The following SKP2 variants were observed in gnomAD, a reference collection of about 807,000 sequenced individuals.
SKP2 encodes the protein S-phase kinase associated protein 2.
In SKP2, 16 loss-of-function variants were observed where a neutral mutation model predicts 51.8. The observed-to-expected ratio is 0.31, with a 90% CI of 0.21 to 0.47. The LOEUF (loss-of-function observed/expected upper bound fraction) is 0.47. SKP2 is among the 20% of genes least tolerant of loss of function. The pLI, the probability that SKP2 is intolerant of heterozygous loss-of-function variation, is 1.00. For missense variants in SKP2, 377 were observed against 505.3 expected, an observed-to-expected ratio of 0.75 and a Z score of 2.43; for synonymous variants, 176 against 198.6, an observed-to-expected ratio of 0.89 and a Z score of 0.96.
Position 36,171,726 on chromosome 5 carries a change from G to T in SKP2, c.894G>T (p.Gln298His). 6.2e-7 allele frequency: 1 copy of T among 1,613,870 alleles called. No individual in the cohort carries two copies. Among genetic ancestry groups the T allele is most frequent in the Non-Finnish European group, 8.5e-7 (1 of 1,179,810 alleles). ...TTAGCGGCTACAGAAAGAATCTCCAGAAATCAGGTTAGAGCTTCCAAGCCT... is the reference window on the plus strand; with the variant it reads ...TTAGCGGCTACAGAAAGAATCTCCATAAATCAGGTTAGAGCTTCCAAGCCT... ...LNLSGYRKNL[Q>H]KSDLSTLVRR... The change falls in exon 7 of 10, where the codon CAG becomes CAT. Residue 298 changes from glutamine (Q) to histidine (H), a missense_variant. Physicochemically the swap from Gln to His is conservative, Grantham distance 24. This residue lies in a region of SKP2 where 262 missense variants were observed against 389.8 expected (regional missense o/e 0.67). Transcript: ENST00000274255.
chr5:36,177,391 G>A lies in SKP2; in HGVS notation c.1061+99G>A, dbSNP rs759443508. On this transcript the variant is annotated intron_variant, in intron 9 of 9. Coordinates refer to ENST00000274255, the MANE Select transcript of SKP2 (RefSeq NM_005983.4). ...TTTTTATTAATAGACATATGAAACC[G>A]AAACATTAGTAATAAGTATACCACA... is the stretch of plus-strand genomic sequence containing the variant. The A allele has an allele frequency of 1.2e-4, 92 of 779,554 alleles. 3 individuals carry two copies. The highest frequency in any genetic ancestry group is 3.7e-4 in the South Asian group (27 of 72,696). The allele number at this position is 779,554 out of a possible 1,614,324, so 48.3% of individuals were successfully genotyped here.
downstream of SKP2, among the ~76,000 whole-genome samples, chr5:36,187,239 A>G (rs182678099): frequency 3.0e-3 from 455 of 152,114 alleles, 2 homozygotes; most frequent in African/African-American, 9.0e-3. Context: ...GTCTCCTTCA[A>G]TTCTGCTCTG....
At chr5:36,177,447 C>T in intron 9 of SKP2, 155 bp downstream of exon 9, 1 of 718,062 alleles carries the variant, frequency 1.4e-6, no homozygotes, top group East Asian at 2.6e-5. Context: ...CAGAGTATTG[C>T]TTAAACTGGT....
intron 2 of SKP2, among the ~76,000 whole-genome samples, chr5:36,155,850 GA>G (rs1027924608): frequency 6.6e-6 from 1 of 152,122 alleles, no homozygotes; most frequent in Non-Finnish European, 1.5e-5. Context: ...GGCACTGTGG[GA>G]ACAAGACAGA....
Position 36,182,614 on chromosome 5 carries a change from C to A in SKP2, c.*583C>A. On this transcript the variant is annotated 3_prime_UTR_variant, in exon 10 of 10. Coordinates refer to ENST00000274255, the MANE Select transcript of SKP2 (RefSeq NM_005983.4). ...TAGAAATAAGTAACCCCATGTAATT[C>A]ACCTTAAAACTTAACAAAAGACCAA... 1 of 981,534 alleles carries A rather than the reference C, an allele frequency of 1.0e-6. No homozygotes were observed. The highest frequency in any genetic ancestry group is 1.2e-6 in the Non-Finnish European group (1 of 826,450). 60.8% of individuals were successfully genotyped at this position (981,534 alleles called of 1,614,324 possible).
intron 7 of SKP2, chr5:36,193,214 C>T (rs1200742386): frequency 6.6e-6 from 1 of 152,126 alleles, no homozygotes; most frequent in East Asian, 1.9e-4. Context: ...CATGGTGGCT[C>T]ATGCCTGTAA....
chr5:36,152,796 C>T lies in SKP2; in HGVS notation c.34C>T (p.Leu12=), dbSNP rs3913485. 6.2e-7 allele frequency: 1 copy of T among 1,613,930 alleles called. No individual in the cohort carries two copies. The highest frequency in any genetic ancestry group is 8.5e-7 in the Non-Finnish European group (1 of 1,180,018). The stretch of plus-strand genomic sequence containing the variant: ...GAAGCACCTCCAGGAGATTCCAGAC[C>T]TGAGTAGCAACGTTGCCACCAGCTT... ...HRKHLQEIPD[L]SSNVATSFTW... Residue 12 remains leucine, a synonymous_variant, in exon 2 of 10, where the codon CTG becomes TTG. Coordinates refer to ENST00000274255, the MANE Select transcript of SKP2 (RefSeq NM_005983.4).
chr5:36,179,465 C>G (rs1433635993), intron 9 of SKP2, among the ~76,000 whole-genome samples: 1 of 152,100 alleles, frequency 6.6e-6, no homozygotes, highest in Non-Finnish European at 1.5e-5. Flanking sequence ...TTCCCCAGGA[C>G]CTATTCCCAT....
chr5:36,191,392 C>CT lies in SKP2; in HGVS notation c.633-1212dup, dbSNP rs201765544. ...CTCCAGAGGCTTGTATCATCAAGTT[C>CT]TTTTTTTTTTTTTTTTTAGCCAGGA... On this transcript the variant is annotated intron_variant, in intron 6 of 7. Transcript: ENST00000677886. 3.1e-3 allele frequency among the ~76,000 whole-genome samples: 377 copies of CT among 122,148 alleles called. 1 individual carries two copies. The highest frequency in any genetic ancestry group is 5.5e-3 in the African/African-American group (194 of 35,270). 80.1% of individuals were successfully genotyped at this position (122,148 alleles called of 152,430 possible).
At chr5:36,167,868 T>A (rs1745338805) in intron 4 of SKP2, among the ~76,000 whole-genome samples, 1 of 152,200 alleles carries the variant, frequency 6.6e-6, no homozygotes, top group Non-Finnish European at 1.5e-5. Flanking sequence ...TCCACTGGAC[T>A]CAGCCTTTCA....
intron 3 of SKP2, among the ~76,000 whole-genome samples, chr5:36,166,201 T>TA (rs1205827888): frequency 6.6e-6 from 1 of 152,244 alleles, no homozygotes; most frequent in Non-Finnish European, 1.5e-5. Flanking sequence ...AATCATTTTT[T>TA]AAATTTGTCA....
chr5:36,170,778 A>G (rs1745446193), intron 6 of SKP2, among the ~76,000 whole-genome samples: 1 of 152,164 alleles, frequency 6.6e-6, no homozygotes. Context: ...GTATCTGTAG[A>G]CCTAACTTAC....
intron 2 of SKP2, among the ~76,000 whole-genome samples, chr5:36,155,825 AT>A (rs1239738625): frequency 2.0e-5 from 3 of 152,160 alleles, no homozygotes; most frequent in East Asian, 1.9e-4. Context: ...GTGAAAAAGA[AT>A]TTTTTTTAAG....
At chr5:36,189,327 GCT>G (rs1356875739) in intron 6 of SKP2, among the ~76,000 whole-genome samples, 2 of 152,162 alleles carry the variant, frequency 1.3e-5, no homozygotes, top group African/African-American at 4.8e-5. Context: ...CAGCTTTTCT[GCT>G]CTGTTTTTTC....
chr5:36,156,657 CCCCCA>C (rs1428280456), intron 2 of SKP2, among the ~76,000 whole-genome samples: 1 of 152,048 alleles, frequency 6.6e-6, no homozygotes, highest in Non-Finnish European at 1.5e-5. Flanking sequence ...AAATGCTTGT[CCCCCA>C]CCCCACCCTT....
chr5:36,156,830 G>T (rs1259687341), intron 2 of SKP2, among the ~76,000 whole-genome samples: 3 of 152,116 alleles, frequency 2.0e-5, no homozygotes, highest in Non-Finnish European at 4.4e-5. Flanking sequence ...CTTGTTCAAA[G>T]TGTAAAATTC....
chr5:36,170,550 G>C, intron 6 of SKP2, 108 bp downstream of exon 6: 1 of 642,812 alleles, frequency 1.6e-6, no homozygotes, highest in Non-Finnish European at 2.6e-6. Context: ...TACTTTCCAG[G>C]CTCTTGATTT....
In SKP2 at chr5:36,170,364, A is replaced by C; in HGVS notation, c.692A>C (p.Asn231Thr). Reference protein sequence around the residue: ...PIVNTLAKNSNLVRLNLSGCS... With the variant: ...PIVNTLAKNSTLVRLNLSGCS... Reference sequence around the variant, plus strand: ...TCCAGTACTCTCGCAAAAAACTCAAATTTAGTGCGACTTAACCTTTCTGGG... The same window carrying C: ...TCCAGTACTCTCGCAAAAAACTCAACTTTAGTGCGACTTAACCTTTCTGGG... Residue 231 changes from asparagine to threonine, a missense_variant, in exon 6 of 10, where the codon AAT becomes ACT. By Grantham distance (65) the Asn-to-Thr change is moderately conservative. Around this residue, in one of 2 missense-constraint regions of SKP2, gnomAD observed 262 missense variants for 389.8 expected, o/e 0.67. Transcript: ENST00000274255. 6.2e-7 allele frequency: 1 copy of C among 1,612,296 alleles called. No homozygotes were observed. The highest frequency in any genetic ancestry group is 8.5e-7 in the Non-Finnish European group (1 of 1,178,970).
chr5:36,181,019 T>C (rs1337442768), intron 9 of SKP2, among the ~76,000 whole-genome samples: 1 of 152,158 alleles, frequency 6.6e-6, no homozygotes, highest in Non-Finnish European at 1.5e-5. Flanking sequence ...AAACAGTATT[T>C]ACTTTGGAAA....
Sources: allele counts gnomAD v4.1 joint callset (sites outside exome capture counted in the v4.1 genomes callset), GRCh38; gene constraint gnomAD v4.1.1; regional missense constraint gnomAD v4.1.1; transcripts MANE v1.5; gene names NCBI Gene and HGNC (gene_info 2026-07-23, HGNC 2026-07-21).